Variants in ZNF831 observed in about 807,000 individuals in gnomAD.
ZNF831 encodes chromosome 20 open reading frame 174.
A neutral mutation model predicts 95.8 loss-of-function variants in ZNF831; 59 were observed. The ratio of observed to expected loss-of-function variants is 0.62; its 90% CI spans 0.50 to 0.77. The LOEUF (loss-of-function observed/expected upper bound fraction) is 0.77. ZNF831 is among the 30% of genes least tolerant of loss of function. The pLI, the probability that ZNF831 is intolerant of heterozygous loss-of-function variation, is 0.00. For missense variants in ZNF831, 2,205 were observed against 2,164.0 expected (o/e 1.02, Z -0.38); for synonymous variants, 961 against 925.5 (o/e 1.04, Z -0.70).
intron 1 of ZNF831, among the ~76,000 whole-genome samples, chr20:59,125,028 G>T (rs1159298851): frequency 6.6e-6 from 1 of 152,162 alleles, no homozygotes; most frequent in Admixed American, 6.5e-5. Context: ...GCCTGCTGGG[G>T]CCTTCTGAAA....
chr20:59,163,220 T>C (rs1980992326), upstream of ZNF831, among the ~76,000 whole-genome samples: 2 of 152,194 alleles, frequency 1.3e-5, no homozygotes, highest in Non-Finnish European at 2.9e-5. Flanking sequence ...TTTCTAGATA[T>C]AGAATCATAT....
At chr20:59,218,899 G>A (rs774213355) in intron 4 of ZNF831, among the ~76,000 whole-genome samples, 3 of 152,114 alleles carry the variant, frequency 2.0e-5, no homozygotes, top group Non-Finnish European at 4.4e-5. Context: ...TGTAGTCCCA[G>A]CTACTTGGGA....
At chr20:59,238,399 T>C (rs976802999) in intron 4 of ZNF831, among the ~76,000 whole-genome samples, 2 of 152,124 alleles carry the variant, frequency 1.3e-5, no homozygotes, top group East Asian at 3.9e-4. Context: ...TCTCTCTCTC[T>C]TCCTCTCTAC....
intron 4 of ZNF831, among the ~76,000 whole-genome samples, chr20:59,227,896 G>A (rs78735100): frequency 5.7e-4 from 87 of 152,196 alleles, no homozygotes; most frequent in African/African-American, 2.0e-3. Flanking sequence ...CTTTACTGGA[G>A]GTTACAGGAA....
At chr20:59,252,214 G>C (rs1987924843) in intron 4 of ZNF831, among the ~76,000 whole-genome samples, 1 of 152,206 alleles carries the variant, frequency 6.6e-6, no homozygotes, top group Admixed American at 6.5e-5. Context: ...AGTTAGGCTT[G>C]ACTTTTCAGA....
chr20:59,153,677 C>G (rs147584141), intron 2 of ZNF831, among the ~76,000 whole-genome samples: 40 of 149,234 alleles, frequency 2.7e-4, no homozygotes, highest in African/African-American at 9.7e-4. Context: ...AGGTCAAGGA[C>G]AGGGCAGGAG....
At chr20:59,145,809 G>A (rs1979827946) in intron 1 of ZNF831, among the ~76,000 whole-genome samples, 1 of 152,178 alleles carries the variant, frequency 6.6e-6, no homozygotes, top group East Asian at 1.9e-4. Flanking sequence ...CATGTGAGTG[G>A]CCGTGGGAGT....
At chr20:59,125,403 C>T (rs531389522) in intron 1 of ZNF831, among the ~76,000 whole-genome samples, 2 of 152,334 alleles carry the variant, frequency 1.3e-5, no homozygotes, top group South Asian at 4.1e-4. Context: ...CCAGCATCAT[C>T]AGCATGGGGA....
intron 4 of ZNF831, among the ~76,000 whole-genome samples, chr20:59,242,567 T>C (rs1987394792): frequency 6.6e-6 from 1 of 152,092 alleles, no homozygotes; most frequent in Admixed American, 6.6e-5. Context: ...GAAAAACAAA[T>C]CTCTAAATGG....
chr20:59,176,339 A>G (rs1001458470), intron 1 of ZNF831, among the ~76,000 whole-genome samples: 1 of 152,184 alleles, frequency 6.6e-6, no homozygotes, highest in Non-Finnish European at 1.5e-5. Context: ...TTGACCAGAG[A>G]GGGAGGCATG....
chr20:59,186,421 A>G (rs888658429), intron 1 of ZNF831, among the ~76,000 whole-genome samples: 5 of 152,352 alleles, frequency 3.3e-5, no homozygotes, highest in East Asian at 1.9e-4. Flanking sequence ...ATTATGGCGT[A>G]TAATTGAAAA....
chr20:59,192,015 C>G lies in ZNF831; in HGVS notation c.996C>G (p.Pro332=). 1 of 1,608,634 alleles carries G rather than the reference C, an allele frequency of 6.2e-7. No homozygotes were observed. The highest frequency in any genetic ancestry group is 2.2e-5 in the East Asian group (1 of 44,756). The change falls in exon 2 of 6, where the codon CCC becomes CCG. Residue 332 remains proline, a synonymous_variant. Coordinates refer to ENST00000371030, the MANE Select transcript of ZNF831 (RefSeq NM_178457.3). The surrounding 1 kb of genome is among the most constrained non-coding windows in gnomAD (Gnocchi z 5.2). The part of the protein sequence containing the change: ...AAEKPWDAKA[P]EGRLRKCEST... ...AGAAGCCCTGGGATGCCAAGGCCCC[C>G]GAGGGCCGGCTGCGGAAGTGTGAGA...
At chr20:59,235,228 T>A (rs1479387842) in intron 4 of ZNF831, among the ~76,000 whole-genome samples, 1 of 152,098 alleles carries the variant, frequency 6.6e-6, no homozygotes, top group East Asian at 1.9e-4. Context: ...ACAGCCAGGG[T>A]CCCCGCTGCC....
At chr20:59,190,697 T>C (rs1983424661) in intron 1 of ZNF831, among the ~76,000 whole-genome samples, 1 of 152,224 alleles carries the variant, frequency 6.6e-6, no homozygotes, top group South Asian at 2.1e-4. Flanking sequence ...AAACCTGCCA[T>C]GGACCTGTGC....
intron 2 of ZNF831, 140 bp downstream of exon 2, chr20:59,194,897 G>C: frequency 2.4e-6 from 3 of 1,258,556 alleles, no homozygotes; most frequent in Non-Finnish European, 3.2e-6. Flanking sequence ...GAGGGAGGCT[G>C]GGGATACCAC....
At chr20:59,151,049 G>A (rs1980202896) in intron 2 of ZNF831, among the ~76,000 whole-genome samples, 1 of 152,228 alleles carries the variant, frequency 6.6e-6, no homozygotes, top group African/African-American at 2.4e-5. Context: ...GTTTCCGATA[G>A]TGCAGGGGTA....
chr20:59,219,819 G>T (rs1985959694), intron 4 of ZNF831, among the ~76,000 whole-genome samples: 1 of 152,088 alleles, frequency 6.6e-6, no homozygotes, highest in Non-Finnish European at 1.5e-5. Flanking sequence ...ATAGATTCCT[G>T]TAGAAACGGA....
intron 1 of ZNF831, among the ~76,000 whole-genome samples, chr20:59,164,980 GC>G (rs945584805): frequency 1.3e-5 from 2 of 152,200 alleles, no homozygotes; most frequent in Admixed American, 6.5e-5. Flanking sequence ...CAACGTCAGG[GC>G]CAGTTTAAAA....
At chr20:59,236,488 A>G (rs2146711894) in intron 4 of ZNF831, among the ~76,000 whole-genome samples, 1 of 150,034 alleles carries the variant, frequency 6.7e-6, no homozygotes, top group African/African-American at 2.5e-5. Context: ...ACAGAGTCTC[A>G]CTGTGTTGCC....
Sources: allele counts gnomAD v4.1 joint callset (sites outside exome capture counted in the v4.1 genomes callset), GRCh38; gene constraint gnomAD v4.1.1; non-coding constraint Gnocchi (gnomAD v3.1); transcripts MANE v1.5; gene names NCBI Gene and HGNC (gene_info 2026-07-23, HGNC 2026-07-21).